Variants in PALLD observed in about 807,000 individuals in gnomAD.
PALLD encodes palladin.
A neutral mutation model predicts 123.5 loss-of-function variants in PALLD; 61 were observed. The ratio of observed to expected loss-of-function variants is 0.49; its 90% CI spans 0.40 to 0.61. The LOEUF is 0.61. Ranked by LOEUF, PALLD falls within the 20% of genes least tolerant of loss-of-function variation. The probability of loss-of-function intolerance (pLI) is 0.00; values close to 1 mark genes in which losing one functional copy is unlikely to be tolerated. For synonymous variants in PALLD, 465 were observed against 496.4 expected, an observed-to-expected ratio of 0.94 and a Z score of 0.84; for missense variants, 1,273 against 1,377.0, an observed-to-expected ratio of 0.92 and a Z score of 1.20.
intron 2 of PALLD, among the ~76,000 whole-genome samples, chr4:168,552,728 T>G (rs1336586601): frequency 6.6e-6 from 1 of 152,102 alleles, no homozygotes; most frequent in Non-Finnish European, 1.5e-5. Context: ...CAGGCTGGAG[T>G]GCAGTGGCAT....
rs1281909859 is a variant in PALLD, at chr4:168,703,494, G to A, written c.1502-5534G>A. Among the ~76,000 whole-genome samples the A allele has an allele frequency of 5.7e-3, 679 of 119,526 alleles. 8 individuals are homozygous for A. Among genetic ancestry groups the A allele is most frequent in the Middle Eastern group, 0.012 (3 of 252 alleles). The allele number at this position is 119,526 out of a possible 152,430, so 78.4% of individuals were successfully genotyped here. A position where few individuals can be genotyped will look rare whatever the true frequency, so the allele number is the denominator to read the frequency against. The stretch of plus-strand genomic sequence containing the variant: ...CTGAGGAATCGCCACACTGACTTCC[G>A]CAATGGTTGAACTAGTTTACAGTCC... On this transcript the variant is annotated intron_variant, in intron 8 of 21. Transcript: ENST00000505667.
intron 2 of PALLD, among the ~76,000 whole-genome samples, chr4:168,619,175 A>G (rs745964899): frequency 6.6e-6 from 1 of 152,232 alleles, no homozygotes; most frequent in Non-Finnish European, 1.5e-5. Context: ...TATCTTTGAT[A>G]AGCCGTAGGA....
In PALLD at chr4:168,575,839, C is replaced by A. The variant is rs549746317; in HGVS notation, c.908+63427C>A. ...GCCTGGGGACCACTGTTGAAAAGTT[C>A]TCTCCTCTGGCTGCATGTTAGAATC... On this transcript the variant is annotated intron_variant, in intron 2 of 21. Coordinates refer to ENST00000505667, the MANE Select transcript of PALLD (RefSeq NM_001166108.2). 2.6e-5 allele frequency among the ~76,000 whole-genome samples: 4 copies of A among 152,200 alleles called. No homozygotes were observed. In the South Asian group the frequency reaches 8.3e-4, roughly 32 times the overall value.
chr4:168,514,673 C>T lies in PALLD; in HGVS notation c.908+2261C>T, dbSNP rs1762833854. On this transcript the variant is annotated intron_variant, in intron 2 of 21. Transcript: ENST00000505667. ...ATCAATCTTGCAAATAAATAATTTT[C>T]ATTAGACATTCATTCTCATGTCACT... Among the ~76,000 whole-genome samples, 3 of 152,092 alleles carry T rather than the reference C, an allele frequency of 2.0e-5. 1 individual carries two copies. The South Asian group carries it at 6.2e-4, about 31-fold the overall frequency.
intron 10 of PALLD, among the ~76,000 whole-genome samples, chr4:168,851,011 T>G (rs1282560057): frequency 6.6e-6 from 1 of 152,198 alleles, no homozygotes; most frequent in Non-Finnish European, 1.5e-5. Context: ...CAAGTGTGAC[T>G]GAGAGGCCAG....
intron 10 of PALLD, among the ~76,000 whole-genome samples, chr4:168,799,438 A>G (rs1489475804): frequency 6.6e-6 from 1 of 152,172 alleles, no homozygotes; most frequent in East Asian, 1.9e-4. Context: ...TTCTAATGCA[A>G]ATTCTTTAAG....
chr4:168,746,719 A>G (rs1730380699), intron 10 of PALLD, among the ~76,000 whole-genome samples: 1 of 152,222 alleles, frequency 6.6e-6, no homozygotes, highest in African/African-American at 2.4e-5. Flanking sequence ...CTAGAAACAT[A>G]AGAAACAAGT....
intron 10 of PALLD, among the ~76,000 whole-genome samples, chr4:168,815,112 A>C (rs1185604575): frequency 6.6e-6 from 1 of 152,180 alleles, no homozygotes; most frequent in Non-Finnish European, 1.5e-5. Flanking sequence ...TTTTCTTTTC[A>C]AGAACAAGAT....
chr4:168,810,519 G>T (rs1424042553), intron 10 of PALLD, among the ~76,000 whole-genome samples: 1 of 152,168 alleles, frequency 6.6e-6, no homozygotes, highest in African/African-American at 2.4e-5. Context: ...AGCCAAGCAT[G>T]GTGGCAGGCA....
chr4:168,608,340 G>T (rs1282574466), intron 2 of PALLD, among the ~76,000 whole-genome samples: 2 of 152,152 alleles, frequency 1.3e-5, no homozygotes, highest in Admixed American at 6.5e-5. Flanking sequence ...CCCCCCATTT[G>T]CATCTCAAGA....
At chr4:168,905,570 T>G (rs1412521806) in intron 15 of PALLD, among the ~76,000 whole-genome samples, 1 of 152,084 alleles carries the variant, frequency 6.6e-6, no homozygotes, top group Non-Finnish European at 1.5e-5. Context: ...TGAAAACAGA[T>G]TATCCAGCTA....
intron 10 of PALLD, among the ~76,000 whole-genome samples, chr4:168,839,260 C>T (rs1233199004): frequency 6.6e-6 from 1 of 152,094 alleles, no homozygotes; most frequent in Non-Finnish European, 1.5e-5. Flanking sequence ...GCTAAAAATT[C>T]TTAATTGTAT....
At chr4:168,529,074 C>T (rs1265198925) in intron 2 of PALLD, among the ~76,000 whole-genome samples, 3 of 152,122 alleles carry the variant, frequency 2.0e-5, no homozygotes, top group Non-Finnish European at 4.4e-5. Context: ...GGGCCGGGCA[C>T]GGTGGCTCAC....
At chr4:168,802,198 T>C (rs972363684) in intron 10 of PALLD, among the ~76,000 whole-genome samples, 13 of 152,182 alleles carry the variant, frequency 8.5e-5, no homozygotes, top group Admixed American at 7.2e-4. Flanking sequence ...TAGAATCTTC[T>C]CACATAGCCA....
At chr4:168,656,376 T>G (rs950866476) in intron 2 of PALLD, among the ~76,000 whole-genome samples, 1 of 151,990 alleles carries the variant, frequency 6.6e-6, no homozygotes, top group Non-Finnish European at 1.5e-5. Context: ...TTGGTGAGGA[T>G]GAATCTATTT....
intron 10 of PALLD, among the ~76,000 whole-genome samples, chr4:168,740,995 T>C (rs535406662): frequency 3.3e-4 from 50 of 152,378 alleles, no homozygotes; most frequent in African/African-American, 1.2e-3. Flanking sequence ...TTGTTCAAAA[T>C]AGTATCTTGA....
chr4:168,759,208 T>C (rs1486940732), intron 10 of PALLD, among the ~76,000 whole-genome samples: 1 of 15,724 alleles, frequency 6.4e-5, no homozygotes, highest in African/African-American at 3.3e-4. Flanking sequence ...AAAAAATATA[T>C]ATATATATAT....
intron 2 of PALLD, among the ~76,000 whole-genome samples, chr4:168,645,325 A>G (rs1253322265): frequency 2.0e-5 from 3 of 152,138 alleles, no homozygotes; most frequent in Non-Finnish European, 4.4e-5. Context: ...GGCCCTTTAA[A>G]TGTCACTTCT....
In PALLD at chr4:168,683,032, A is replaced by C. The variant is rs745487341; in HGVS notation, c.1189A>C (p.Ile397Leu). ...GAAAACAACTTCTGTTTCCTTGACA[A>C]TAGGATCATCATCTCCAAAGACAGG... The part of the protein sequence containing the change: ...QKKTTSVSLT[I>L]GSSSPKTGVT... The change falls in exon 5 of 22, where the codon ATA (isoleucine) becomes CTA (leucine). Residue 397 changes from isoleucine (I) to leucine (L), a missense_variant. Around this residue, in one of 2 missense-constraint regions of PALLD, gnomAD observed 944 missense variants for 954.5 expected, o/e 0.99. Transcript: ENST00000505667. The C allele has an allele frequency of 9.9e-6, 16 of 1,612,670 alleles. No homozygotes were observed. The highest frequency in any genetic ancestry group is 1.4e-5 in the Non-Finnish European group (16 of 1,178,696).
Sources: allele counts gnomAD v4.1 joint callset (sites outside exome capture counted in the v4.1 genomes callset), GRCh38; gene constraint gnomAD v4.1.1; regional missense constraint gnomAD v4.1.1; transcripts MANE v1.5; gene names NCBI Gene and HGNC (gene_info 2026-07-23, HGNC 2026-07-21).